CNBD1: variants seen among roughly 807,000 people sequenced by gnomAD.
CNBD1 encodes cyclic nucleotide-binding domain-containing protein 1.
Under a neutral mutation model 54.4 loss-of-function variants are expected in CNBD1, and 71 were observed. The ratio of observed to expected loss-of-function variants is 1.30; its 90% CI spans 1.08 to 1.59. The LOEUF (loss-of-function observed/expected upper bound fraction) is 1.59. Ranked by LOEUF, CNBD1 falls within the 40% of genes most tolerant of loss-of-function variation. The pLI is 0.00. For missense variants in CNBD1, 659 were observed against 518.0 expected (o/e 1.27, Z -2.64); for synonymous variants, 182 against 170.7 (o/e 1.07, Z -0.51).
intron 10 of CNBD1, among the ~76,000 whole-genome samples, chr8:87,361,436 A>T (rs1250997876): frequency 2.6e-5 from 4 of 151,850 alleles, no homozygotes; most frequent in Non-Finnish European, 5.9e-5. Flanking sequence ...AATAACACAA[A>T]TGTCTTACAA....
At chr8:86,988,143 GTT>G (rs34699647) in intron 4 of CNBD1, among the ~76,000 whole-genome samples, 24,619 of 134,374 alleles carry the variant, frequency 0.18, 2,098 homozygotes, top group Non-Finnish European at 0.2. Flanking sequence ...TGGTTGATAG[GTT>G]TTTTTTTTTT....
rs553760265 is a variant in CNBD1, at chr8:87,394,107, C to T, written c.214-34439C>T. ...GGACATGATCACAGGCTATATTTTG[C>T]CATTTGTTGATAGGGCGTAACAATC... On this transcript the variant is annotated intron_variant, in intron 2 of 7. Coordinates refer to the CNBD1 transcript ENST00000521593. Among the ~76,000 whole-genome samples, 62 of 151,840 alleles carry T rather than the reference C, an allele frequency of 4.1e-4. No individual in the cohort carries two copies. In the South Asian group the frequency reaches 0.012, roughly 30 times the overall value.
rs575356983 is a variant in CNBD1 at position 87,002,488 on chromosome 8, C to A, written c.431+62734C>A. On this transcript the variant is annotated intron_variant, in intron 4 of 10. Transcript: ENST00000518476. ...TCACACGTAATACTCTGGCAATAAC[C>A]CAGCCCTTCATTCTATTCCAGGCAT... Among the ~76,000 whole-genome samples the A allele has an allele frequency of 5.3e-5, 8 of 152,302 alleles. 1 individual carries two copies. In the South Asian group the frequency reaches 1.7e-3, roughly 32 times the overall value.
rs570520785 is a variant in CNBD1, at chr8:87,415,972, T to G, written c.214-12574T>G. 4.8e-4 allele frequency among the ~76,000 whole-genome samples: 73 copies of G among 151,666 alleles called. 1 individual carries two copies. The highest frequency in any genetic ancestry group is 8.8e-4 in the Non-Finnish European group (60 of 67,842). On this transcript the variant is annotated intron_variant, in intron 2 of 7. Coordinates refer to the CNBD1 transcript ENST00000521593. ...AAATAAAGTTTTTAAAAAAATCATA[T>G]GGACATTAACAAAAAAAATTACATC...
intron 9 of CNBD1, 63 bp downstream of exon 9, chr8:87,351,857 C>A (rs1441015877): frequency 5.3e-6 from 7 of 1,308,668 alleles, no homozygotes; most frequent in African/African-American, 4.7e-5. Context: ...GTGTCAGATA[C>A]CTTTTCATGT....
intron 4 of CNBD1, among the ~76,000 whole-genome samples, chr8:87,004,666 A>T (rs1021895283): frequency 6.6e-6 from 1 of 152,168 alleles, no homozygotes; most frequent in Non-Finnish European, 1.5e-5. Flanking sequence ...CAACACAAGC[A>T]CAGGATAGAT....
intron 2 of CNBD1, among the ~76,000 whole-genome samples, chr8:86,888,523 CT>C (rs1808713855): frequency 1.3e-5 from 2 of 152,122 alleles, no homozygotes; most frequent in Admixed American, 6.5e-5. Flanking sequence ...CTACATTTCT[CT>C]GCCTTGGTTT....
chr8:87,266,186 A>G (rs1481821708), intron 6 of CNBD1, among the ~76,000 whole-genome samples: 7 of 150,882 alleles, frequency 4.6e-5, no homozygotes, highest in African/African-American at 7.3e-5. Flanking sequence ...ATTCCATTGG[A>G]AAAAAAAATC....
At chr8:86,898,619 C>T (rs550373417) in intron 2 of CNBD1, among the ~76,000 whole-genome samples, 311 of 152,098 alleles carry the variant, frequency 2.0e-3, no homozygotes, top group African/African-American at 7.2e-3. Context: ...TATCCATATC[C>T]AATAAATATA....
intron 2 of CNBD1, among the ~76,000 whole-genome samples, chr8:87,401,925 T>C (rs1807573798): frequency 6.6e-6 from 1 of 151,986 alleles, no homozygotes; most frequent in African/African-American, 2.4e-5. Context: ...GGAGAGGACA[T>C]GTGACCTAAT....
chr8:87,422,413 C>G (rs55706242), intron 2 of CNBD1, among the ~76,000 whole-genome samples: 30,225 of 145,362 alleles, frequency 0.21, 4,072 homozygotes, highest in African/African-American at 0.38. Context: ...TTAGGTCTAA[C>G]GTTTAAGTCT....
chr8:87,119,443 TTACTC>T (rs912777255), intron 4 of CNBD1, among the ~76,000 whole-genome samples: 6 of 152,142 alleles, frequency 3.9e-5, no homozygotes, highest in African/African-American at 1.4e-4. Flanking sequence ...TACTGCAACT[TTACTC>T]ACTTCACTTA....
intron 6 of CNBD1, among the ~76,000 whole-genome samples, chr8:87,267,438 A>T (rs1313841615): frequency 4.6e-5 from 7 of 152,140 alleles, no homozygotes; most frequent in Admixed American, 4.6e-4. Context: ...TACTGCTGAT[A>T]TGAATATAAG....
chr8:86,896,720 C>T (rs1808853252), intron 2 of CNBD1, among the ~76,000 whole-genome samples: 1 of 152,130 alleles, frequency 6.6e-6, no homozygotes, highest in Non-Finnish European at 1.5e-5. Context: ...CTCAAGACCA[C>T]TCTTTGCAGC....
chr8:87,292,594 T>A (rs1050904599), intron 8 of CNBD1, among the ~76,000 whole-genome samples: 5 of 152,180 alleles, frequency 3.3e-5, no homozygotes, highest in Admixed American at 6.5e-5. Context: ...GAAAAAATTT[T>A]GGTGAATGAT....
At chr8:87,364,686 T>A (rs1409901078) in intron 10 of CNBD1, among the ~76,000 whole-genome samples, 2 of 151,858 alleles carry the variant, frequency 1.3e-5, no homozygotes, top group African/African-American at 4.8e-5. Context: ...ATTGTTCCCC[T>A]TTGTGCATTC....
chr8:87,297,788 G>C (rs1338847425), intron 8 of CNBD1, among the ~76,000 whole-genome samples: 2 of 151,712 alleles, frequency 1.3e-5, no homozygotes, highest in Admixed American at 1.3e-4. Flanking sequence ...AATAAACTAT[G>C]TTGCACTAAT....
chr8:87,406,323 A>T (rs1487253778), intron 2 of CNBD1, among the ~76,000 whole-genome samples: 4 of 152,038 alleles, frequency 2.6e-5, no homozygotes, highest in Non-Finnish European at 5.9e-5. Flanking sequence ...GCTACTATAA[A>T]TTCAAACATT....
chr8:87,235,272 C>A (rs1744160602), intron 5 of CNBD1, among the ~76,000 whole-genome samples: 1 of 152,144 alleles, frequency 6.6e-6, no homozygotes, highest in Non-Finnish European at 1.5e-5. Flanking sequence ...TTTTAAATTT[C>A]TACAAGAACT....
Sources: allele counts gnomAD v4.1 joint callset (sites outside exome capture counted in the v4.1 genomes callset), GRCh38; gene constraint gnomAD v4.1.1; transcripts MANE v1.5; gene names NCBI Gene and HGNC (gene_info 2026-07-23, HGNC 2026-07-21).